Variants in CTXND2 observed in about 807,000 individuals in gnomAD.
CTXND2 encodes the protein cortexin domain containing 2.
chr1:150,899,202 AG>A, intron 1 of CTXND2, among the ~76,000 whole-genome samples: 1 of 152,264 alleles, frequency 6.6e-6, no homozygotes, highest in South Asian at 2.1e-4. Context: ...GTGCCTTGGG[AG>A]GGCTAGGTGA....
At chr1:150,894,618 A>G (rs1370057189) in intron 1 of CTXND2, among the ~76,000 whole-genome samples, 3 of 152,212 alleles carry the variant, frequency 2.0e-5, no homozygotes, top group Non-Finnish European at 4.4e-5. Flanking sequence ...TCACATGCAT[A>G]TATCAATGTG....
chr1:150,888,985 T>C (rs587649734), intron 1 of CTXND2, among the ~76,000 whole-genome samples: 1 of 152,008 alleles, frequency 6.6e-6, no homozygotes, highest in East Asian at 1.9e-4. Flanking sequence ...ATTATAGGAA[T>C]GAATCACCGT....
At chr1:150,902,092 T>TC (rs1368607971) in intron 1 of CTXND2, among the ~76,000 whole-genome samples, 1 of 151,600 alleles carries the variant, frequency 6.6e-6, no homozygotes, top group African/African-American at 2.4e-5. Flanking sequence ...ATGGTGAAAC[T>TC]CCGTCTCTAC....
chr1:150,904,031 G>A, intron 1 of CTXND2: 1 of 654,476 alleles, frequency 1.5e-6, no homozygotes, highest in South Asian at 1.4e-5. Context: ...TCAGGCTGTT[G>A]GATTCTCTTA....
chr1:150,889,370 A>G (rs1423425981), intron 1 of CTXND2, among the ~76,000 whole-genome samples: 1 of 148,914 alleles, frequency 6.7e-6, no homozygotes, highest in Non-Finnish European at 1.5e-5. Flanking sequence ...ACTGCACTCC[A>G]GCCTGGGCGA....
intron 1 of CTXND2, among the ~76,000 whole-genome samples, chr1:150,896,318 T>C (rs1422318773): frequency 1.3e-5 from 2 of 152,194 alleles, no homozygotes; most frequent in Non-Finnish European, 2.9e-5. Context: ...CTAAAGGTAG[T>C]CTCACTCTGG....
At chr1:150,907,803 A>G (rs1167116808) in intron 1 of CTXND2, among the ~76,000 whole-genome samples, 3 of 137,374 alleles carry the variant, frequency 2.2e-5, no homozygotes, top group Non-Finnish European at 4.5e-5. Context: ...TCCGCCTCCC[A>G]GGTTCACGCC....
intron 1 of CTXND2, among the ~76,000 whole-genome samples, chr1:150,901,086 T>G (rs1669016996): frequency 6.6e-6 from 1 of 152,146 alleles, no homozygotes; most frequent in African/African-American, 2.4e-5. Flanking sequence ...CACTCCAGCC[T>G]GGGTGACAGA....
chr1:150,903,857 T>G (rs1669088220), intron 1 of CTXND2: 1 of 545,494 alleles, frequency 1.8e-6, no homozygotes, highest in African/African-American at 1.9e-5. Flanking sequence ...TTCAGAGTGG[T>G]AACCTACGTT....
chr1:150,903,842 C>T (rs938766661), intron 1 of CTXND2: 5 of 504,118 alleles, frequency 9.9e-6, no homozygotes, highest in African/African-American at 2.0e-5. Context: ...AGTGGGATGT[C>T]CGGCTTCAGA....
intron 1 of CTXND2, among the ~76,000 whole-genome samples, chr1:150,891,940 T>C (rs1237890402): frequency 1.3e-5 from 2 of 152,186 alleles, no homozygotes; most frequent in Non-Finnish European, 2.9e-5. Context: ...GAAGTACAGA[T>C]TTTTTTATTT....
chr1:150,895,509 A>G (rs773317429), intron 1 of CTXND2, among the ~76,000 whole-genome samples: 5 of 151,830 alleles, frequency 3.3e-5, no homozygotes, highest in Non-Finnish European at 5.9e-5. Flanking sequence ...ACGCCCAGCT[A>G]ATTTTTGTAT....
chr1:150,896,859 C>G (rs587641480), intron 1 of CTXND2, among the ~76,000 whole-genome samples: 1 of 152,148 alleles, frequency 6.6e-6, no homozygotes, highest in South Asian at 2.1e-4. Context: ...TCAGCCAGTA[C>G]AGACTAAAGT....
At chr1:150,899,921 C>T (rs1259215760) in intron 1 of CTXND2, among the ~76,000 whole-genome samples, 8 of 152,150 alleles carry the variant, frequency 5.3e-5, no homozygotes, top group Non-Finnish European at 1.0e-4. Flanking sequence ...TCAGCGCTCT[C>T]TGTCTAGCTA....
At chr1:150,892,268 T>C (rs1668860486) in intron 1 of CTXND2, among the ~76,000 whole-genome samples, 1 of 152,180 alleles carries the variant, frequency 6.6e-6, no homozygotes, top group Admixed American at 6.5e-5. Flanking sequence ...TATAACTAAA[T>C]GCAATTTTTA....
At chr1:150,903,843 C>T (rs1433537587) in intron 1 of CTXND2, 4 of 506,324 alleles carry the variant, frequency 7.9e-6, no homozygotes, top group African/African-American at 3.9e-5. Flanking sequence ...GTGGGATGTC[C>T]GGCTTCAGAG....
In CTXND2 at chr1:150,900,869, C is replaced by T. The variant is rs587626344; in HGVS notation, c.-73-11373C>T. 9.2e-4 allele frequency among the ~76,000 whole-genome samples: 140 copies of T among 152,294 alleles called. 1 individual carries two copies. The Middle Eastern group carries it at 0.014, about 15-fold the overall frequency. On this transcript the variant is annotated intron_variant, in intron 1 of 1. Transcript: ENST00000636087. Reference sequence around the variant, plus strand: ...ATTCGAGACTGGGCATGGTGGCTCACGCCTGTAATCCAAAGTGGGAGGATC... The same window carrying T: ...ATTCGAGACTGGGCATGGTGGCTCATGCCTGTAATCCAAAGTGGGAGGATC...
intron 1 of CTXND2, among the ~76,000 whole-genome samples, chr1:150,910,955 C>G (rs767726820): frequency 8.5e-5 from 13 of 152,078 alleles, no homozygotes; most frequent in Non-Finnish European, 1.6e-4. Context: ...CAGGTGCCCA[C>G]CACCACGCCC....
At chr1:150,897,813 T>C (rs1668930829) in intron 1 of CTXND2, among the ~76,000 whole-genome samples, 1 of 152,236 alleles carries the variant, frequency 6.6e-6, no homozygotes, top group Non-Finnish European at 1.5e-5. Flanking sequence ...CCATACTTTT[T>C]AGCCATTGGG....
Sources: allele counts gnomAD v4.1 joint callset (sites outside exome capture counted in the v4.1 genomes callset), GRCh38; gene constraint gnomAD v4.1.1; transcripts MANE v1.5; gene names NCBI Gene and HGNC (gene_info 2026-07-23, HGNC 2026-07-21).